FGF7: variants seen among roughly 807,000 people sequenced by gnomAD.
The protein encoded by FGF7 is FGF-7.
FGF7 carries 6 observed loss-of-function variants against 20.5 expected under a neutral mutation model. That is an observed-to-expected ratio of 0.29 (90% CI 0.16 to 0.58). The LOEUF (loss-of-function observed/expected upper bound fraction) is 0.58, where lower values mean the gene tolerates loss of function less well. Among genes scored for constraint, FGF7 ranks in the 20% least tolerant of loss-of-function variants. FGF7 has a pLI of 0.90. For missense variants in FGF7, 144 were observed against 228.8 expected (o/e 0.63, Z 2.39); for synonymous variants, 64 against 74.7 (o/e 0.86, Z 0.74).
At chr15:49,434,650 C>T (rs1023934115) in intron 2 of FGF7, 2 of 151,456 alleles carry the variant, frequency 1.3e-5, no homozygotes, top group Non-Finnish European at 3.0e-5. Context: ...CTAAACTCAC[C>T]AAGGTAAAGG....
chr15:49,481,679 GT>G (rs1321004807), intron 2 of FGF7, among the ~76,000 whole-genome samples: 1 of 152,114 alleles, frequency 6.6e-6, no homozygotes, highest in African/African-American at 2.4e-5. Context: ...AACCAGGGCT[GT>G]TTTTCTTAAT....
chr15:49,437,104 C>T (rs1168072697), intron 2 of FGF7, among the ~76,000 whole-genome samples: 1 of 151,456 alleles, frequency 6.6e-6, no homozygotes, highest in African/African-American at 2.4e-5. Flanking sequence ...ATTTATACTT[C>T]TGTTCTTTAG....
intron 2 of FGF7, among the ~76,000 whole-genome samples, chr15:49,477,120 C>CA (rs2055412864): frequency 6.6e-6 from 1 of 152,022 alleles, no homozygotes; most frequent in Admixed American, 6.6e-5. Flanking sequence ...CATTTCCCCC[C>CA]ACAGTTCCTC....
At chr15:49,439,330 G>A (rs1567277121) in intron 2 of FGF7, among the ~76,000 whole-genome samples, 1 of 151,650 alleles carries the variant, frequency 6.6e-6, no homozygotes, top group Non-Finnish European at 1.5e-5. Flanking sequence ...GAGGCAGAGA[G>A]AGAGAGAATC....
intron 2 of FGF7, among the ~76,000 whole-genome samples, chr15:49,448,748 T>TCA (rs537957789): frequency 6.6e-6 from 1 of 151,740 alleles, no homozygotes; most frequent in Non-Finnish European, 1.5e-5. Context: ...CACACTCTGA[T>TCA]AAGATAAGGA....
intron 2 of FGF7, among the ~76,000 whole-genome samples, chr15:49,474,054 C>A (rs28393768): frequency 0.18 from 28,005 of 151,920 alleles, 3,180 homozygotes; most frequent in Non-Finnish European, 0.25. Context: ...TTTTGATAGG[C>A]GAACTTTTTA....
In FGF7 at chr15:49,424,117, G is replaced by T; in HGVS notation, c.-181G>T. ...TTTATCAACAGAGTTATTTAAGGAG[G>T]AATCCTGTGTTGTTATCAGGAACTA... is the stretch of plus-strand genomic sequence containing the variant. On this transcript the variant is annotated 5_prime_UTR_variant, in exon 2 of 4. Coordinates refer to ENST00000267843, the MANE Select transcript of FGF7 (RefSeq NM_002009.4). The T allele has an allele frequency of 2.0e-6, 1 of 494,090 alleles. No individual in the cohort carries two copies. The highest frequency in any genetic ancestry group is 3.4e-5 in the Admixed American group (1 of 29,304). 30.6% of individuals were successfully genotyped at this position (494,090 alleles called of 1,614,324 possible).
At chr15:49,443,146 T>C (rs1309554554) in intron 2 of FGF7, among the ~76,000 whole-genome samples, 1 of 151,726 alleles carries the variant, frequency 6.6e-6, no homozygotes, top group Non-Finnish European at 1.5e-5. Context: ...GAGCCAATTG[T>C]TAAATTTTCA....
At chr15:49,423,575 G>A (rs1350221407) in intron 1 of FGF7, 135 bp downstream of exon 1, 3 of 152,114 alleles carry the variant, frequency 2.0e-5, no homozygotes, top group Admixed American at 6.6e-5. Context: ...TAATTATGCT[G>A]TAGAACATAA....
chr15:49,464,326 A>G (rs763479969), intron 2 of FGF7, among the ~76,000 whole-genome samples: 2 of 152,244 alleles, frequency 1.3e-5, no homozygotes, highest in Non-Finnish European at 2.9e-5. Flanking sequence ...GAGAAACAGA[A>G]AAGGAATTAG....
intron 2 of FGF7, among the ~76,000 whole-genome samples, chr15:49,466,691 GTGA>G (rs1205155511): frequency 6.6e-6 from 1 of 152,166 alleles, no homozygotes; most frequent in Non-Finnish European, 1.5e-5. Flanking sequence ...CTGGACTAAT[GTGA>G]TGGCAATGGA....
At chr15:49,436,405 T>C (rs560743687) in intron 2 of FGF7, among the ~76,000 whole-genome samples, 1 of 151,652 alleles carries the variant, frequency 6.6e-6, no homozygotes, top group Admixed American at 6.6e-5. Flanking sequence ...CCTTCCAGCT[T>C]TCCTTTTATC....
chr15:49,457,621 T>C (rs1377090690), intron 2 of FGF7, among the ~76,000 whole-genome samples: 5 of 152,008 alleles, frequency 3.3e-5, no homozygotes, highest in Admixed American at 1.3e-4. Flanking sequence ...ACTTGAAAAA[T>C]GAGTCTATAA....
At chr15:49,451,072 TA>T (rs1242915512) in intron 2 of FGF7, among the ~76,000 whole-genome samples, 1 of 152,128 alleles carries the variant, frequency 6.6e-6, no homozygotes, top group Non-Finnish European at 1.5e-5. Flanking sequence ...ATCAAAATTT[TA>T]AGTCAGATAT....
chr15:49,431,133 T>C (rs1487308822), intron 2 of FGF7, among the ~76,000 whole-genome samples: 1 of 151,840 alleles, frequency 6.6e-6, no homozygotes, highest in Non-Finnish European at 1.5e-5. Context: ...TTAAGTAATA[T>C]GGAGAAAAAT....
intron 2 of FGF7, among the ~76,000 whole-genome samples, chr15:49,459,874 G>A (rs1019823494): frequency 6.6e-5 from 10 of 152,090 alleles, no homozygotes; most frequent in African/African-American, 2.4e-4. Flanking sequence ...CATAAAACTG[G>A]CCATGGTGGA....
chr15:49,451,726 C>A (rs890846284), intron 2 of FGF7, among the ~76,000 whole-genome samples: 1 of 151,994 alleles, frequency 6.6e-6, no homozygotes, highest in South Asian at 2.1e-4. Flanking sequence ...AAATTTGAAG[C>A]CTTTATTGGG....
chr15:49,470,376 A>G (rs184429065), intron 2 of FGF7, among the ~76,000 whole-genome samples: 1 of 152,160 alleles, frequency 6.6e-6, no homozygotes, highest in African/African-American at 2.4e-5. Flanking sequence ...CCAATAAGCA[A>G]TTCTGTTGAT....
chr15:49,443,193 A>G (rs2051836640), intron 2 of FGF7, among the ~76,000 whole-genome samples: 1 of 151,752 alleles, frequency 6.6e-6, no homozygotes, highest in Non-Finnish European at 1.5e-5. Context: ...GCCATTATTA[A>G]ACATTTAATT....
Sources: gnomAD v4.1 joint callset for allele counts (sites outside exome capture counted in the v4.1 genomes callset) on GRCh38, gnomAD v4.1.1 for gene constraint, MANE v1.5 for transcripts, NCBI Gene and HGNC (gene_info 2026-07-23, HGNC 2026-07-21) for gene names.